RGS3: variants seen among roughly 807,000 people sequenced by gnomAD.
The protein encoded by RGS3 is regulator of G protein signaling 3, also known as regulator of G-protein signalling 3.
RGS3 carries 80 observed loss-of-function variants against 132.6 expected under a neutral mutation model. The observed-to-expected ratio is 0.60, with a 90% CI of 0.50 to 0.73. The LOEUF (loss-of-function observed/expected upper bound fraction) is 0.73, where lower values mean the gene tolerates loss of function less well. Among genes scored for constraint, RGS3 ranks in the 30% least tolerant of loss-of-function variants. The pLI is 0.00. For missense variants in RGS3, 1,382 were observed against 1,530.8 expected, an observed-to-expected ratio of 0.90 and a Z score of 1.62; for synonymous variants, 598 against 620.6, an observed-to-expected ratio of 0.96 and a Z score of 0.54.
chr9:113,576,337 C>CTTTT (rs558156232), intron 19 of RGS3, among the ~76,000 whole-genome samples: 25 of 142,402 alleles, frequency 1.8e-4, no homozygotes, highest in South Asian at 2.3e-4. Context: ...ATTGTTCTTT[C>CTTTT]TTTTTTTTTT....
chr9:113,561,313 C>T (rs913619344), intron 19 of RGS3, among the ~76,000 whole-genome samples: 4 of 152,020 alleles, frequency 2.6e-5, no homozygotes, highest in African/African-American at 9.7e-5. Flanking sequence ...GTGTGAGCCA[C>T]TGTGCCTGGC....
chr9:113,493,024 C>A (rs1176701129), intron 7 of RGS3, among the ~76,000 whole-genome samples: 1 of 152,332 alleles, frequency 6.6e-6, no homozygotes, highest in Non-Finnish European at 1.5e-5. Context: ...CAGCCCTACC[C>A]AGTAGGAAAG....
intron 4 of RGS3, among the ~76,000 whole-genome samples, chr9:113,480,820 TC>T (rs1388605627): frequency 5.3e-5 from 8 of 152,348 alleles, no homozygotes; most frequent in African/African-American, 1.9e-4. Flanking sequence ...CATGTGTCCA[TC>T]CTTCCATCCG....
At chr9:113,461,572 C>A in intron 1 of RGS3, 1 of 881,058 alleles carries the variant, frequency 1.1e-6, no homozygotes, top group Non-Finnish European at 1.8e-6. Context: ...TCAGGCTGGC[C>A]TTGCAATCTT....
chr9:113,469,210 G>A (rs564420077), intron 3 of RGS3, among the ~76,000 whole-genome samples: 149 of 152,240 alleles, frequency 9.8e-4, no homozygotes, highest in African/African-American at 3.5e-3. Context: ...GCTGCGTGGT[G>A]TGTTGGGCAG....
At chr9:113,511,572 T>G (rs1280510809) in intron 14 of RGS3, among the ~76,000 whole-genome samples, 1 of 152,146 alleles carries the variant, frequency 6.6e-6, no homozygotes, top group Non-Finnish European at 1.5e-5. Context: ...GACCTCAGTT[T>G]CCTTGTCTAC....
chr9:113,505,514 G>T, exon 11 of RGS3: 1 of 1,613,974 alleles, frequency 6.2e-7, no homozygotes, highest in Non-Finnish European at 8.5e-7. Context: ...AGTCCAGGCC[G>T]TGGATTCCGG....
At chr9:113,489,910 C>G (rs1428674617) in intron 7 of RGS3, among the ~76,000 whole-genome samples, 1 of 152,186 alleles carries the variant, frequency 6.6e-6, no homozygotes, top group African/African-American at 2.4e-5. Flanking sequence ...AGGAAAGCAT[C>G]TGTTTCACTA....
intron 17 of RGS3, among the ~76,000 whole-genome samples, chr9:113,523,588 C>T (rs570085857): frequency 5.3e-5 from 8 of 152,254 alleles, no homozygotes; most frequent in South Asian, 2.1e-4. Flanking sequence ...GAGCCCAAGC[C>T]GCTGGGGCTC....
At chr9:113,527,320 C>T (rs1832257302) in intron 17 of RGS3, among the ~76,000 whole-genome samples, 1 of 152,186 alleles carries the variant, frequency 6.6e-6, no homozygotes, top group South Asian at 2.1e-4. Context: ...TTCTAACCCC[C>T]AAGTTTCTGT....
At chr9:113,493,298 G>A (rs1209440728) in intron 7 of RGS3, among the ~76,000 whole-genome samples, 1 of 152,192 alleles carries the variant, frequency 6.6e-6, no homozygotes, top group African/African-American at 2.4e-5. Flanking sequence ...CACTTTATTG[G>A]GGTGAGAGCA....
intron 21 of RGS3, chr9:113,593,675 A>G (rs1835562295): frequency 1.1e-5 from 6 of 541,330 alleles, no homozygotes; most frequent in Non-Finnish European, 2.0e-5. Flanking sequence ...TGCCCTGTAC[A>G]GGGGGTCTAG....
At chr9:113,501,225 G>A (rs563042319) in intron 10 of RGS3, 1 of 328,938 alleles carries the variant, frequency 3.0e-6, no homozygotes, top group Non-Finnish European at 5.6e-6. Flanking sequence ...CCAGTGAGGG[G>A]TGTTTGTGAG....
At chr9:113,475,909 G>C (rs775030315) in intron 3 of RGS3, among the ~76,000 whole-genome samples, 7 of 152,026 alleles carry the variant, frequency 4.6e-5, no homozygotes, top group Non-Finnish European at 4.4e-5. Context: ...ATTTCTAGGA[G>C]GCTGCCCTCT....
intron 19 of RGS3, among the ~76,000 whole-genome samples, chr9:113,539,366 G>A (rs1489650502): frequency 6.6e-6 from 1 of 152,214 alleles, no homozygotes; most frequent in East Asian, 1.9e-4. Flanking sequence ...CTGGGGTGCA[G>A]TGGTGCGATC....
In RGS3 at chr9:113,594,620, G is replaced by A. The variant is rs1052656884; in HGVS notation, c.3182+89G>A. On this transcript the variant is annotated intron_variant, in intron 22 of 24. Transcript: ENST00000350696. ...TGAGTGGTAGGGTTGAGGGGAAGGG[G>A]CTTGCCGGCTTGATCCAGCTCTGGG... is the stretch of plus-strand genomic sequence containing the variant. 1.0e-5 allele frequency: 11 copies of A among 1,086,890 alleles called. No homozygotes were observed. The South Asian group carries it at 1.6e-4, about 16-fold the overall frequency. The allele number at this position is 1,086,890 out of a possible 1,614,324, so 67.3% of individuals were successfully genotyped here.
At position 113,578,669 on chromosome 9, in the gene RGS3, A is replaced by G. The variant is rs532222756; in HGVS notation, c.2038-4781A>G. Among the ~76,000 whole-genome samples the G allele has an allele frequency of 2.6e-5, 4 of 152,270 alleles. No homozygotes were observed. In the South Asian group the frequency reaches 8.3e-4, roughly 32 times the overall value. ...AGCCAGGAGAGCTAAGTGTTAGCTG[A>G]GCCATCAAGGTTCCTGGAAGCTAGC... On this transcript the variant is annotated intron_variant, in intron 19 of 24. Coordinates refer to ENST00000350696, the Ensembl canonical transcript of RGS3.
Position 113,594,535 on chromosome 9 carries a change from GGT to G in RGS3, c.3182+5_3182+6del. ...ACAAAATGATGAAGTCATTCAAGTA[GGT>G]CCTCCCTGGCACCCTGGGACCCTTT... is the stretch of plus-strand genomic sequence containing the variant. On this transcript the variant is annotated splice_donor_5th_base_variant and intron_variant, in intron 22 of 24. Coordinates refer to ENST00000350696, the Ensembl canonical transcript of RGS3. 1 of 1,611,658 alleles carries G rather than the reference GGT, an allele frequency of 6.2e-7. No individual in the cohort carries two copies. The highest frequency in any genetic ancestry group is 1.7e-4 in the Middle Eastern group (1 of 6,016).
chr9:113,564,489 C>T (rs763005201), intron 19 of RGS3, among the ~76,000 whole-genome samples: 1 of 152,150 alleles, frequency 6.6e-6, no homozygotes, highest in Non-Finnish European at 1.5e-5. Context: ...AACCGAGGCT[C>T]AGAGAGGGGA....
Sources: allele counts gnomAD v4.1 joint callset (sites outside exome capture counted in the v4.1 genomes callset), GRCh38; gene constraint gnomAD v4.1.1; transcripts MANE v1.5; gene names NCBI Gene and HGNC (gene_info 2026-07-23, HGNC 2026-07-21).